The following LHFPL1 variants were observed in gnomAD, a reference collection of about 807,000 sequenced individuals.
LHFPL1 encodes LHFPL tetraspan subfamily member 1 protein.
A neutral mutation model predicts 12.1 loss-of-function variants in LHFPL1; 4 were observed. The observed-to-expected ratio is 0.33, with a 90% CI of 0.16 to 0.76. The LOEUF (loss-of-function observed/expected upper bound fraction) is 0.76, where lower values mean the gene tolerates loss of function less well. Among genes scored for constraint, LHFPL1 ranks in the 30% least tolerant of loss-of-function variants. LHFPL1 has a pLI of 0.61. For missense variants in LHFPL1, 141 were observed against 174.1 expected, an observed-to-expected ratio of 0.81 and a Z score of 1.07; for synonymous variants, 52 against 61.9, an observed-to-expected ratio of 0.84 and a Z score of 0.75.
intron 3 of LHFPL1, among the ~76,000 whole-genome samples, chrX:112,658,921 A>G (rs1485951426): frequency 8.9e-6 from 1 of 112,326 alleles, no homozygotes; most frequent in African/African-American, 3.2e-5. Context: ...TTACATTTAT[A>G]CCATGGAATA....
At chrX:112,633,702 G>T (rs1251700312) in intron 3 of LHFPL1, among the ~76,000 whole-genome samples, 1 of 111,582 alleles carries the variant, frequency 9.0e-6, no homozygotes, top group Non-Finnish European at 1.9e-5. Flanking sequence ...GCAGTCTAAA[G>T]TTCCTGAACT....
chrX:112,641,463 G>T (rs997328590), intron 3 of LHFPL1, among the ~76,000 whole-genome samples: 2 of 111,411 alleles, frequency 1.8e-5, no homozygotes, highest in African/African-American at 6.5e-5. Context: ...AGAAGAGTCT[G>T]GGATGAGAGT....
At position 112,666,427 on chromosome X, in the gene LHFPL1, G is replaced by A. The variant is rs777736612; in HGVS notation, c.382+4582C>T. Among the ~76,000 whole-genome samples the A allele has an allele frequency of 6.3e-5, 7 of 111,440 alleles. No individual in the cohort carries two copies. The East Asian group carries it at 1.7e-3, about 27-fold the overall frequency. ...TCACAGAAGGGCTGCATTGGACCTGGCCTTTGAGAGATAGGTAGATATTTA... is the reference window on the plus strand; with the variant it reads ...TCACAGAAGGGCTGCATTGGACCTGACCTTTGAGAGATAGGTAGATATTTA... On this transcript the variant is annotated intron_variant, in intron 2 of 3. Transcript: ENST00000371968.
intron 3 of LHFPL1, among the ~76,000 whole-genome samples, chrX:112,660,417 C>T (rs1171449486): frequency 1.8e-5 from 2 of 111,792 alleles, no homozygotes; most frequent in African/African-American, 3.3e-5. Context: ...CATAGGTCCC[C>T]GGGCAAAACT....
At chrX:112,660,537 A>G (rs1372260784) in intron 3 of LHFPL1, 90 bp downstream of exon 3, 1 of 677,580 alleles carries the variant, frequency 1.5e-6, no homozygotes, top group African/African-American at 2.1e-5. Context: ...TCAGGCAAGT[A>G]CCACTAGCAG....
chrX:112,638,693 T>C (rs1242802121), intron 3 of LHFPL1, among the ~76,000 whole-genome samples: 3 of 111,563 alleles, frequency 2.7e-5, no homozygotes, highest in Non-Finnish European at 5.6e-5. Flanking sequence ...CCTCTTCCTA[T>C]TGAGGGTATT....
At chrX:112,668,977 T>G (rs766460971) in intron 2 of LHFPL1, among the ~76,000 whole-genome samples, 47 of 112,238 alleles carry the variant, frequency 4.2e-4, no homozygotes, top group South Asian at 7.4e-4. Context: ...GAAGCTAAAC[T>G]GTCACTCTTT....
intron 3 of LHFPL1, among the ~76,000 whole-genome samples, chrX:112,634,007 G>A (rs986933382): frequency 1.2e-4 from 13 of 111,590 alleles, no homozygotes; most frequent in African/African-American, 4.2e-4. Context: ...CACAAAGTAG[G>A]AAGGTTTGAA....
chrX:112,660,685 T>C lies in LHFPL1; in HGVS notation c.423A>G (p.Gly141=), dbSNP rs752712144. ...TTTGCATTATCTCCGGGCTATTCCATCCTAAAGGGTATAAGGCACAGCCTG... is the reference window on the plus strand; with the variant it reads ...TTTGCATTATCTCCGGGCTATTCCACCCTAAAGGGTATAAGGCACAGCCTG... ...ISSGCALYPL[G]WNSPEIMQTC... The change falls in exon 3 of 4, where the codon GGA becomes GGG. Residue 141 remains glycine, a synonymous_variant. Transcript: ENST00000371968. 4 of 1,208,129 alleles carry C rather than the reference T, an allele frequency of 3.3e-6. No individual in the cohort carries two copies. Among genetic ancestry groups the C allele is most frequent in the East Asian group, 5.9e-5 (2 of 33,762 alleles).
At position 112,631,550 on chromosome X, in the gene LHFPL1, G is replaced by A. The variant is rs149692317; in HGVS notation, c.533C>T (p.Ala178Val). Residue 178 changes from alanine to valine, a missense_variant, in exon 4 of 4, where the codon GCA becomes GTA. Ala to Val is a moderately conservative substitution (Grantham distance 64). Transcript: ENST00000371968. ...GAGCCAGGTGCAGATCAACATGGCT[G>A]CAGCTGCTCCACCTCCAGCACAGTA... ...AYYCAGGGAA[A>V]AMLICTWLSC... 2.1e-4 allele frequency: 255 copies of A among 1,208,375 alleles called. No homozygotes were observed. Among genetic ancestry groups the A allele is most frequent in the Non-Finnish European group, 2.7e-4 (243 of 894,167 alleles).
intron 1 of LHFPL1, among the ~76,000 whole-genome samples, chrX:112,673,072 G>A (rs1385111639): frequency 1.8e-5 from 2 of 111,822 alleles, no homozygotes; most frequent in Non-Finnish European, 3.8e-5. Flanking sequence ...AATATGGAGA[G>A]GAAGTGATTT....
At chrX:112,668,930 C>G (rs1931414105) in intron 2 of LHFPL1, among the ~76,000 whole-genome samples, 1 of 112,021 alleles carries the variant, frequency 8.9e-6, no homozygotes, top group Admixed American at 9.5e-5. Context: ...ACAGTTAGCC[C>G]CTCCTCACTC....
At chrX:112,660,789 T>C (rs1931163430) in intron 2 of LHFPL1, 64 bp from the exon 3 acceptor site, 1 of 800,736 alleles carries the variant, frequency 1.2e-6, no homozygotes, top group Non-Finnish European at 1.9e-6. Flanking sequence ...CAACATTCCC[T>C]TTGGATTAGT....
chrX:112,652,774 T>A (rs185229248), intron 3 of LHFPL1, among the ~76,000 whole-genome samples: 138 of 112,016 alleles, frequency 1.2e-3, no homozygotes, highest in African/African-American at 4.3e-3. Context: ...TGCTATCAGT[T>A]GAGGTATATG....
intron 3 of LHFPL1, among the ~76,000 whole-genome samples, chrX:112,659,477 G>C (rs1246787890): frequency 1.8e-5 from 2 of 110,977 alleles, no homozygotes; most frequent in African/African-American, 6.6e-5. Flanking sequence ...AAAAATTCTG[G>C]AATTGGATAG....
At chrX:112,668,160 T>C (rs779215389) in intron 2 of LHFPL1, among the ~76,000 whole-genome samples, 3 of 111,989 alleles carry the variant, frequency 2.7e-5, no homozygotes, top group Non-Finnish European at 5.6e-5. Context: ...CCCCAAACTC[T>C]TTCTCTTGTG....
At chrX:112,664,578 G>A (rs12861381) in intron 2 of LHFPL1, among the ~76,000 whole-genome samples, 1 of 78,036 alleles carries the variant, frequency 1.3e-5, no homozygotes, top group South Asian at 6.8e-4. Context: ...TCCCACCCCC[G>A]CCATCTTCCC....
At chrX:112,640,813 CTGTGTGTGTG>C (rs10529066) in intron 3 of LHFPL1, among the ~76,000 whole-genome samples, 1 of 104,941 alleles carries the variant, frequency 9.5e-6, no homozygotes, top group Non-Finnish European at 2.0e-5. Flanking sequence ...TAGATTCCAT[CTGTGTGTGTG>C]TGTGTGTGTG....
intron 3 of LHFPL1, among the ~76,000 whole-genome samples, chrX:112,652,325 C>T (rs1053337916): frequency 8.9e-5 from 10 of 111,911 alleles, no homozygotes; most frequent in South Asian, 7.6e-4. Flanking sequence ...AGAAAGCCTA[C>T]GGTGTGTGAT....
Sources: allele counts gnomAD v4.1 joint callset (sites outside exome capture counted in the v4.1 genomes callset), GRCh38; gene constraint gnomAD v4.1.1; transcripts MANE v1.5; gene names NCBI Gene and HGNC (gene_info 2026-07-23, HGNC 2026-07-21).